PRMT8: variants seen among roughly 807,000 people sequenced by gnomAD.
The protein encoded by PRMT8 is protein arginine methyltransferase 8, also known as protein arginine N-methyltransferase 8.
PRMT8 carries 7 observed loss-of-function variants against 47.1 expected under a neutral mutation model. That is an observed-to-expected ratio of 0.15 (90% CI 0.08 to 0.28). The LOEUF (loss-of-function observed/expected upper bound fraction) is 0.28. Among genes scored for constraint, PRMT8 ranks in the 10% least tolerant of loss-of-function variants. The pLI is 1.00. For missense variants in PRMT8, 237 were observed against 505.4 expected, an observed-to-expected ratio of 0.47 and a Z score of 5.09; for synonymous variants, 188 against 186.5, an observed-to-expected ratio of 1.01 and a Z score of -0.07.
chr12:3,574,243 G>A (rs1866899918), intron 6 of PRMT8, among the ~76,000 whole-genome samples: 2 of 152,220 alleles, frequency 1.3e-5, no homozygotes, highest in Non-Finnish European at 1.5e-5. Context: ...GTTTAGAGAA[G>A]GTCTCACAAA....
chr12:3,486,572 A>G (rs1478064580), upstream of PRMT8, among the ~76,000 whole-genome samples: 1 of 152,188 alleles, frequency 6.6e-6, no homozygotes, highest in South Asian at 2.1e-4. Flanking sequence ...GATTTCCCAT[A>G]AAAAGGTGAG....
At chr12:3,415,200 A>G (rs1027071614) in intron 1 of PRMT8, among the ~76,000 whole-genome samples, 2 of 152,138 alleles carry the variant, frequency 1.3e-5, no homozygotes, top group African/African-American at 4.8e-5. Context: ...AAGGGTACAG[A>G]TGAAGAGATG....
In PRMT8 at chr12:3,553,635, C is replaced by G. The variant is rs375704645; in HGVS notation, c.418-16C>G. 2.5e-6 allele frequency: 4 copies of G among 1,592,546 alleles called. No individual in the cohort carries two copies. The highest frequency in any genetic ancestry group is 2.6e-6 in the Non-Finnish European group (3 of 1,160,498). On this transcript the variant is annotated splice_polypyrimidine_tract_variant and intron_variant, in intron 3 of 9. Coordinates refer to ENST00000382622, the MANE Select transcript of PRMT8 (RefSeq NM_019854.5). ...TTTTTTTGACGCCTTGCTCCTTTGTCCTATGCCCTTTCCAGATCGAATGCT... is the reference window on the plus strand; with the variant it reads ...TTTTTTTGACGCCTTGCTCCTTTGTGCTATGCCCTTTCCAGATCGAATGCT...
intron 1 of PRMT8, among the ~76,000 whole-genome samples, chr12:3,437,621 G>GATATATATATAT (rs1349097337): frequency 2.6e-5 from 1 of 38,436 alleles, no homozygotes; most frequent in African/African-American, 7.6e-5. Flanking sequence ...GTGCATTCAG[G>GATATATATATAT]CTATATATAT....
chr12:3,585,860 G>A (rs1204066729), intron 8 of PRMT8, among the ~76,000 whole-genome samples: 1 of 152,132 alleles, frequency 6.6e-6, no homozygotes, highest in East Asian at 1.9e-4. Flanking sequence ...GGAAGACTGT[G>A]CCTAGCAATG....
intron 4 of PRMT8, among the ~76,000 whole-genome samples, chr12:3,567,799 T>A (rs1866749291): frequency 6.6e-6 from 1 of 152,134 alleles, no homozygotes; most frequent in South Asian, 2.1e-4. Context: ...ATTGGCTGGC[T>A]GTGGTGGCTC....
At chr12:3,427,716 C>T (rs1345482350) in intron 1 of PRMT8, among the ~76,000 whole-genome samples, 1 of 151,922 alleles carries the variant, frequency 6.6e-6, no homozygotes, top group African/African-American at 2.4e-5. Context: ...AATTTTTTGA[C>T]ATGCCTCAAT....
At chr12:3,581,557 A>G (rs1867066540) in intron 7 of PRMT8, among the ~76,000 whole-genome samples, 1 of 152,174 alleles carries the variant, frequency 6.6e-6, no homozygotes, top group African/African-American at 2.4e-5. Context: ...GCTTAAGAAG[A>G]TGGGCTTTAT....
chr12:3,413,410 G>T (rs1205923492), intron 1 of PRMT8, among the ~76,000 whole-genome samples: 1 of 152,220 alleles, frequency 6.6e-6, no homozygotes, highest in Admixed American at 6.5e-5. Context: ...TCCTGGGTAT[G>T]TCTTTATTAG....
chr12:3,546,264 A>G (rs1565437442), intron 2 of PRMT8, among the ~76,000 whole-genome samples: 1 of 152,246 alleles, frequency 6.6e-6, no homozygotes, highest in Non-Finnish European at 1.5e-5. Flanking sequence ...TCAATGACCA[A>G]AACTTCTACC....
At chr12:3,468,974 C>A (rs1039961091) in intron 1 of PRMT8, 6 of 255,628 alleles carry the variant, frequency 2.3e-5, no homozygotes, top group South Asian at 1.9e-4. Context: ...AAGGAACTAG[C>A]GTTATGCCAA....
chr12:3,570,145 C>G lies in PRMT8; in HGVS notation c.712+581C>G, dbSNP rs1181739607. 6.6e-6 allele frequency among the ~76,000 whole-genome samples: 1 copy of G among 152,040 alleles called. No homozygotes were observed. The highest frequency in any genetic ancestry group is 1.5e-5 in the Non-Finnish European group (1 of 68,016). ...TGCATGTGTGCATGAGGCAGGGGCT[C>G]GTATCTAAACATGTATTCTTAATGC... is the stretch of plus-strand genomic sequence containing the variant. On this transcript the variant is annotated intron_variant, in intron 6 of 9. Coordinates refer to ENST00000382622, the MANE Select transcript of PRMT8 (RefSeq NM_019854.5). The surrounding 1 kb of genome is among the most constrained non-coding windows in gnomAD (Gnocchi z 5.5).
rs1179714206 is a variant in PRMT8, at chr12:3,535,378, T to C, written c.76-5228T>C. ...GCCAGTCTGGGGGCGGAACACTGTG[T>C]TGGGGGAGTCCTGATCAGCCGCTGG... is the stretch of plus-strand genomic sequence containing the variant. On this transcript the variant is annotated intron_variant, in intron 1 of 9. Coordinates refer to ENST00000382622, the MANE Select transcript of PRMT8 (RefSeq NM_019854.5). The surrounding 1 kb of genome is among the most constrained non-coding windows in gnomAD (Gnocchi z 4.7). Among the ~76,000 whole-genome samples the C allele has an allele frequency of 6.6e-6, 1 of 152,062 alleles. No homozygotes were observed. The highest frequency in any genetic ancestry group is 1.5e-5 in the Non-Finnish European group (1 of 68,006).
intron 1 of PRMT8, among the ~76,000 whole-genome samples, chr12:3,428,904 ATC>A (rs1000612218): frequency 4.4e-5 from 4 of 90,864 alleles, no homozygotes; most frequent in Non-Finnish European, 9.5e-5. Context: ...GTCTCTCTCT[ATC>A]TCTCTTTCCT....
chr12:3,467,104 G>C (rs527312445), intron 1 of PRMT8, among the ~76,000 whole-genome samples: 1 of 152,058 alleles, frequency 6.6e-6, no homozygotes, highest in South Asian at 2.1e-4. Flanking sequence ...ACCGGGCGTG[G>C]TGGCGGGTGC....
chr12:3,458,427 C>A (rs12304433), intron 1 of PRMT8, among the ~76,000 whole-genome samples: 1,687 of 152,260 alleles, frequency 0.011, 40 homozygotes, highest in African/African-American at 0.039. Context: ...AAGTGGGTGC[C>A]AGAGAAAACT....
intron 1 of PRMT8, among the ~76,000 whole-genome samples, chr12:3,398,406 G>A (rs1171109138): frequency 6.6e-6 from 1 of 152,184 alleles, no homozygotes; most frequent in Non-Finnish European, 1.5e-5. Context: ...TCACAGTGTG[G>A]CTACAACACA....
rs1282269124 is a variant in PRMT8, at chr12:3,576,793, G to A, written c.713-78G>A. ...CTGCCACTCAGCCCTCAGGCACGCT[G>A]TGCTCTAGGACTCAGGAGGGTTGGG... On this transcript the variant is annotated intron_variant, in intron 6 of 9. Coordinates refer to ENST00000382622, the MANE Select transcript of PRMT8 (RefSeq NM_019854.5). The surrounding 1 kb of genome is among the most constrained non-coding windows in gnomAD (Gnocchi z 4.0). 2.7e-6 allele frequency: 3 copies of A among 1,125,282 alleles called. No homozygotes were observed. The highest frequency in any genetic ancestry group is 4.0e-6 in the Non-Finnish European group (3 of 751,228). 69.7% of individuals were successfully genotyped at this position (1,125,282 alleles called of 1,614,324 possible). A position where few individuals can be genotyped will look rare whatever the true frequency, so the allele number is the denominator to read the frequency against.
intron 1 of PRMT8, among the ~76,000 whole-genome samples, chr12:3,408,811 C>G (rs1305056174): frequency 6.6e-6 from 1 of 152,216 alleles, no homozygotes; most frequent in East Asian, 1.9e-4. Flanking sequence ...AGTAGTATAG[C>G]CCCTGTGCAG....
Sources: allele counts gnomAD v4.1 joint callset (sites outside exome capture counted in the v4.1 genomes callset), GRCh38; gene constraint gnomAD v4.1.1; non-coding constraint Gnocchi (gnomAD v3.1); transcripts MANE v1.5; gene names NCBI Gene and HGNC (gene_info 2026-07-23, HGNC 2026-07-21).